FGD4: variants seen among roughly 807,000 people sequenced by gnomAD.
FGD4 encodes FYVE, RhoGEF and PH domain-containing protein 4.
FGD4 carries 42 observed loss-of-function variants against 102.0 expected under a neutral mutation model. The observed-to-expected ratio is 0.41, with a 90% CI of 0.32 to 0.53. The LOEUF (loss-of-function observed/expected upper bound fraction) is 0.53. Among genes scored for constraint, FGD4 ranks in the 20% least tolerant of loss-of-function variants. The pLI, the probability that FGD4 is intolerant of heterozygous loss-of-function variation, is 0.21. For synonymous variants in FGD4, 380 were observed against 375.7 expected (o/e 1.01, Z -0.13); for missense variants, 902 against 1,078.2 (o/e 0.84, Z 2.29).
chr12:32,469,006 A>G (rs574847512), intron 1 of FGD4, among the ~76,000 whole-genome samples: 1 of 151,680 alleles, frequency 6.6e-6, no homozygotes, highest in Non-Finnish European at 1.5e-5. Context: ...TTGTATTTTT[A>G]GTAGAGACGG....
chr12:32,528,808 A>G (rs1316003617), intron 1 of FGD4, among the ~76,000 whole-genome samples: 1 of 152,122 alleles, frequency 6.6e-6, no homozygotes, highest in Admixed American at 6.5e-5. Flanking sequence ...TTTTATTTGA[A>G]ATTGTATTTG....
At chr12:32,601,926 G>A (rs1036370602) in intron 6 of FGD4, among the ~76,000 whole-genome samples, 1 of 152,016 alleles carries the variant, frequency 6.6e-6, no homozygotes, top group African/African-American at 2.4e-5. Context: ...GGGCAACATG[G>A]TGACACACTA....
At chr12:32,507,985 A>ACT (rs1470066701) in intron 1 of FGD4, among the ~76,000 whole-genome samples, 2 of 152,130 alleles carry the variant, frequency 1.3e-5, no homozygotes, top group Non-Finnish European at 2.9e-5. Flanking sequence ...CTTGGTGTTC[A>ACT]CTCTGCCCTT....
chr12:32,579,324 G>A (rs1344498984), intron 3 of FGD4, among the ~76,000 whole-genome samples: 2 of 152,056 alleles, frequency 1.3e-5, no homozygotes, highest in South Asian at 2.1e-4. Flanking sequence ...GATTACCGGC[G>A]TGAGCTACCG....
chr12:32,626,729 A>G (rs1950195518), intron 14 of FGD4, among the ~76,000 whole-genome samples: 1 of 152,234 alleles, frequency 6.6e-6, no homozygotes, highest in South Asian at 2.1e-4. Flanking sequence ...TTCCTCCATT[A>G]TATCAGAGAG....
rs116375731 is a variant in FGD4, at chr12:32,497,077, C to T, written c.167-67060C>T. 4.4e-3 allele frequency among the ~76,000 whole-genome samples: 676 copies of T among 152,232 alleles called. 8 individuals carry two copies. Among genetic ancestry groups the T allele is most frequent in the African/African-American group, 0.016 (644 of 41,530 alleles). ...ATAGAAAAGGGCTAAAAATATAAGA[C>T]CTCCTCACATAGACTTTCCTAGTCA... On this transcript the variant is annotated intron_variant, in intron 1 of 16. Transcript: ENST00000534526.
rs1947625811 is a variant in FGD4 at position 32,593,256 on chromosome 12, GTTT to G, written c.1012-5238_1012-5236del. Among the ~76,000 whole-genome samples, 3 of 152,260 alleles carry G rather than the reference GTTT, an allele frequency of 2.0e-5. No individual in the cohort carries two copies. In the South Asian group the frequency reaches 6.2e-4, roughly 32 times the overall value. On this transcript the variant is annotated intron_variant, in intron 4 of 16. Transcript: ENST00000534526. ...TACAATAATCAGTGAATAAGTGTTA[GTTT>G]TTGTTATTATGGTGGTATTATTATT...
intron 1 of FGD4, among the ~76,000 whole-genome samples, chr12:32,533,901 T>C (rs773548283): frequency 5.3e-5 from 8 of 152,244 alleles, no homozygotes; most frequent in African/African-American, 1.7e-4. Context: ...TATTATTTAG[T>C]CACTGAAATC....
chr12:32,561,227 C>T (rs951282776), intron 1 of FGD4, among the ~76,000 whole-genome samples: 2 of 151,802 alleles, frequency 1.3e-5, no homozygotes, highest in East Asian at 3.9e-4. Flanking sequence ...GCTAGGATTA[C>T]AGGCGCCCAC....
intron 1 of FGD4, among the ~76,000 whole-genome samples, chr12:32,472,504 C>T (rs903172149): frequency 1.1e-4 from 16 of 152,362 alleles, no homozygotes; most frequent in South Asian, 6.2e-4. Flanking sequence ...CTCAATTTCT[C>T]GCTGGGCCTT....
At chr12:32,568,666 A>G (rs1315225956) in intron 2 of FGD4, among the ~76,000 whole-genome samples, 1 of 152,240 alleles carries the variant, frequency 6.6e-6, no homozygotes, top group Non-Finnish European at 1.5e-5. Context: ...TGAGTAACTT[A>G]CATAAATATA....
chr12:32,642,240 TTA>T lies in FGD4; in HGVS notation c.*1708_*1709del, dbSNP rs1951188364. ...GATAAAAGTAGCTTCTTAGGCCCTATTAAATCAGGGAAAGACTAGAAGAAAAT... is the reference window on the plus strand; with the variant it reads ...GATAAAAGTAGCTTCTTAGGCCCTATAATCAGGGAAAGACTAGAAGAAAAT... On this transcript the variant is annotated 3_prime_UTR_variant, in exon 17 of 17. Coordinates refer to ENST00000534526, the MANE Select transcript of FGD4 (RefSeq NM_001370298.3). The T allele has an allele frequency of 6.6e-6, 1 of 152,152 alleles. No homozygotes were observed. The highest frequency in any genetic ancestry group is 1.5e-5 in the Non-Finnish European group (1 of 67,992). The allele number at this position is 152,152 out of a possible 1,614,324, so 9.4% of individuals were successfully genotyped here. A position where few individuals can be genotyped will look rare whatever the true frequency, so the allele number is the denominator to read the frequency against.
chr12:32,612,019 G>C (rs1438535942), intron 10 of FGD4, among the ~76,000 whole-genome samples: 6 of 152,260 alleles, frequency 3.9e-5, no homozygotes, highest in Non-Finnish European at 8.8e-5. Context: ...CCTAGGTGCT[G>C]TTGCAAACCG....
chr12:32,413,067 ACT>A (rs1040474153), intron 1 of FGD4, among the ~76,000 whole-genome samples: 30 of 150,192 alleles, frequency 2.0e-4, no homozygotes, highest in African/African-American at 6.9e-4. Context: ...ACAGAGTAAG[ACT>A]CTGTCTCCAA....
chr12:32,405,916 G>C (rs1009236226), intron 1 of FGD4, among the ~76,000 whole-genome samples: 1 of 151,724 alleles, frequency 6.6e-6, no homozygotes, highest in Non-Finnish European at 1.5e-5. Flanking sequence ...GATTGAAAAA[G>C]GATTAGAACA....
intron 1 of FGD4, among the ~76,000 whole-genome samples, chr12:32,559,808 A>G (rs1944394903): frequency 6.6e-6 from 1 of 152,236 alleles, no homozygotes; most frequent in African/African-American, 2.4e-5. Context: ...AACATTTTTC[A>G]TATTTTAATG....
At chr12:32,587,841 C>T (rs1947173251) in intron 4 of FGD4, among the ~76,000 whole-genome samples, 1 of 152,154 alleles carries the variant, frequency 6.6e-6, no homozygotes, top group Non-Finnish European at 1.5e-5. Flanking sequence ...TTTATGGTTC[C>T]TGCAAAACAT....
At chr12:32,634,492 A>G (rs992124755) in intron 15 of FGD4, among the ~76,000 whole-genome samples, 1 of 151,578 alleles carries the variant, frequency 6.6e-6, no homozygotes, top group African/African-American at 2.4e-5. Flanking sequence ...AAAAATTCAG[A>G]CCCCCCCACC....
chr12:32,473,233 C>T (rs929086962), intron 1 of FGD4, among the ~76,000 whole-genome samples: 1 of 152,056 alleles, frequency 6.6e-6, no homozygotes, highest in Non-Finnish European at 1.5e-5. Context: ...CTGCCCGAGC[C>T]AGCATTGGCA....
Sources: gnomAD v4.1 joint callset for allele counts (sites outside exome capture counted in the v4.1 genomes callset) on GRCh38, gnomAD v4.1.1 for gene constraint, MANE v1.5 for transcripts, NCBI Gene and HGNC (gene_info 2026-07-23, HGNC 2026-07-21) for gene names.